Variants in UST observed in about 807,000 individuals in gnomAD.
UST encodes the protein chondroitin sulfate 2-O-sulfotransferase.
In UST, 21 loss-of-function variants were observed where a neutral mutation model predicts 45.6. That is an observed-to-expected ratio of 0.46 (90% CI 0.33 to 0.66). UST has a LOEUF of 0.66. Among genes scored for constraint, UST ranks in the 30% least tolerant of loss-of-function variants. The probability of loss-of-function intolerance (pLI) is 0.02; values close to 1 mark genes in which losing one functional copy is unlikely to be tolerated. For synonymous variants in UST, 215 were observed against 200.6 expected, an observed-to-expected ratio of 1.07 and a Z score of -0.61; for missense variants, 463 against 512.4, an observed-to-expected ratio of 0.90 and a Z score of 0.93.
At chr6:148,835,919 C>G (rs765279881) in intron 1 of UST, among the ~76,000 whole-genome samples, 5 of 152,102 alleles carry the variant, frequency 3.3e-5, no homozygotes, top group Non-Finnish European at 7.3e-5. Context: ...GTGTTTTCCT[C>G]TAATGATGGC....
chr6:148,762,829 A>G (rs1776246726), intron 1 of UST, among the ~76,000 whole-genome samples: 2 of 152,192 alleles, frequency 1.3e-5, no homozygotes, highest in Admixed American at 1.3e-4. Context: ...ACTTAGGACA[A>G]TGGTCTTCAG....
intron 1 of UST, among the ~76,000 whole-genome samples, chr6:148,817,855 C>T (rs532892886): frequency 1.3e-5 from 2 of 152,110 alleles, no homozygotes; most frequent in African/African-American, 4.8e-5. Flanking sequence ...TTAAGAGTGC[C>T]CTGGTTGAAG....
At chr6:149,071,463 A>G (rs1432763485) in intron 7 of UST, among the ~76,000 whole-genome samples, 2 of 152,236 alleles carry the variant, frequency 1.3e-5, no homozygotes, top group Non-Finnish European at 2.9e-5. Context: ...GGATTTGGCA[A>G]TGGCTTCTTT....
chr6:149,001,140 C>T (rs943158983), intron 5 of UST, among the ~76,000 whole-genome samples: 15 of 148,588 alleles, frequency 1.0e-4, no homozygotes, highest in African/African-American at 3.0e-4. Flanking sequence ...GGCATGATCT[C>T]GACTCACTGC....
chr6:148,953,295 G>A (rs552737373), intron 3 of UST, among the ~76,000 whole-genome samples: 26 of 152,238 alleles, frequency 1.7e-4, no homozygotes, highest in African/African-American at 6.0e-4. Flanking sequence ...TTACATTTTA[G>A]TACAGCAACA....
intron 1 of UST, among the ~76,000 whole-genome samples, chr6:148,877,662 AGGGGTC>A (rs1778708941): frequency 3.6e-5 from 1 of 27,922 alleles, no homozygotes; most frequent in Admixed American, 4.4e-4. Context: ...TATGAGTGCG[AGGGGTC>A]ATGTATGAGT....
intron 7 of UST, among the ~76,000 whole-genome samples, chr6:149,035,729 G>A (rs1259773895): frequency 6.6e-6 from 1 of 151,726 alleles, no homozygotes; most frequent in Non-Finnish European, 1.5e-5. Context: ...TTGTGCCACT[G>A]CGCTTCAGCC....
intron 2 of UST, among the ~76,000 whole-genome samples, chr6:148,898,517 G>C (rs754849049): frequency 9.2e-5 from 14 of 152,128 alleles, no homozygotes; most frequent in Non-Finnish European, 1.6e-4. Flanking sequence ...GTTTGGCCCA[G>C]CTGGCTGCTT....
intron 1 of UST, among the ~76,000 whole-genome samples, chr6:148,832,784 G>A (rs76524602): frequency 0.013 from 2,019 of 152,214 alleles, 42 homozygotes; most frequent in African/African-American, 0.046. Context: ...TTTGGAGCTC[G>A]GTCAGATGAG....
chr6:148,897,424 C>A (rs1779156435), intron 2 of UST, among the ~76,000 whole-genome samples: 1 of 151,956 alleles, frequency 6.6e-6, no homozygotes, highest in East Asian at 1.9e-4. Flanking sequence ...ACCTGACCTG[C>A]CTGTCTTGGC....
At chr6:149,024,941 A>G (rs1426426638) in intron 7 of UST, among the ~76,000 whole-genome samples, 1 of 151,540 alleles carries the variant, frequency 6.6e-6, no homozygotes, top group Non-Finnish European at 1.5e-5. Flanking sequence ...CCTGTTATTG[A>G]AAAACAAAAA....
chr6:149,055,087 C>T (rs1235360635), intron 7 of UST, among the ~76,000 whole-genome samples: 1 of 152,020 alleles, frequency 6.6e-6, no homozygotes, highest in Non-Finnish European at 1.5e-5. Context: ...GAGGTTACCT[C>T]AGCATAGACC....
intron 1 of UST, among the ~76,000 whole-genome samples, chr6:148,796,863 C>T (rs1297239923): frequency 8.7e-5 from 11 of 125,766 alleles, no homozygotes; most frequent in East Asian, 2.6e-4. Flanking sequence ...AGTGCAATGG[C>T]GTGATCTCAG....
chr6:148,801,708 A>T (rs939633439), intron 1 of UST, among the ~76,000 whole-genome samples: 12 of 152,102 alleles, frequency 7.9e-5, no homozygotes, highest in African/African-American at 2.4e-4. Flanking sequence ...GAGCATCAGC[A>T]CGTGCTTAGC....
At chr6:149,021,640 C>G (rs1490613328) in intron 7 of UST, among the ~76,000 whole-genome samples, 159 bp downstream of exon 7, 2 of 152,198 alleles carry the variant, frequency 1.3e-5, no homozygotes, top group Non-Finnish European at 2.9e-5. Context: ...GAACCAGGAG[C>G]TGCAGATGCC....
chr6:148,779,495 G>A (rs1263729692), intron 1 of UST, among the ~76,000 whole-genome samples: 1 of 152,196 alleles, frequency 6.6e-6, no homozygotes, highest in Admixed American at 6.5e-5. Context: ...ACATCTGGAG[G>A]AATGAGCAGG....
At chr6:148,754,291 C>T (rs992241403) in intron 1 of UST, among the ~76,000 whole-genome samples, 5 of 152,092 alleles carry the variant, frequency 3.3e-5, no homozygotes, top group African/African-American at 1.2e-4. Context: ...CCACCGCGCC[C>T]GGCCACTGAT....
chr6:149,050,811 G>C (rs536543234), intron 7 of UST, among the ~76,000 whole-genome samples: 266 of 152,330 alleles, frequency 1.7e-3, no homozygotes, highest in African/African-American at 6.2e-3. Context: ...GAAGATGTTA[G>C]AATACTGGAT....
chr6:148,961,085 T>A (rs1275160405), intron 4 of UST, among the ~76,000 whole-genome samples: 1 of 152,146 alleles, frequency 6.6e-6, no homozygotes, highest in Non-Finnish European at 1.5e-5. Flanking sequence ...TCTAGAAAAT[T>A]ATTCCCTGCT....
Sources: allele counts gnomAD v4.1 joint callset (sites outside exome capture counted in the v4.1 genomes callset), GRCh38; gene constraint gnomAD v4.1.1; transcripts MANE v1.5; gene names NCBI Gene and HGNC (gene_info 2026-07-23, HGNC 2026-07-21).